Variants in C12orf54 observed in about 807,000 individuals in gnomAD.
C12orf54 encodes chromosome 12 open reading frame 54.
Under a neutral mutation model 26.4 loss-of-function variants are expected in C12orf54, and 24 were observed. That is an observed-to-expected ratio of 0.91 (90% CI 0.66 to 1.28). The LOEUF (loss-of-function observed/expected upper bound fraction) is 1.28, where lower values mean the gene tolerates loss of function less well. Ranked by LOEUF, C12orf54 falls within the 50% of genes most tolerant of loss-of-function variation. C12orf54 has a pLI of 0.00. For missense variants in C12orf54, 154 were observed against 150.9 expected (o/e 1.02, Z -0.11); for synonymous variants, 54 against 47.0 (o/e 1.15, Z -0.61).
chr12:48,455,423 T>A, the C12orf54 span, among the ~76,000 whole-genome samples: 1 of 152,226 alleles, frequency 6.6e-6, no homozygotes, highest in African/African-American at 2.4e-5. Context: ...TACATATGTC[T>A]TTATGGTCAA....
chr12:48,456,649 T>C, the C12orf54 span, among the ~76,000 whole-genome samples: 8 of 152,212 alleles, frequency 5.3e-5, no homozygotes, highest in Non-Finnish European at 1.2e-4. Context: ...TTGTTCTCCA[T>C]GTTAGGTTGG....
At chr12:48,414,455 G>A in the C12orf54 span, among the ~76,000 whole-genome samples, 1 of 152,230 alleles carries the variant, frequency 6.6e-6, no homozygotes, top group African/African-American at 2.4e-5. Flanking sequence ...TTTGGATAAA[G>A]GCTAGTGTGT....
At chr12:48,454,092 GTTTGTT>G in the C12orf54 span, among the ~76,000 whole-genome samples, 5 of 75,782 alleles carry the variant, frequency 6.6e-5, no homozygotes, top group East Asian at 4.2e-4. Flanking sequence ...CTCTTTTTTT[GTTTGTT>G]TTTTTTTTTT....
At chr12:48,420,820 G>T in the C12orf54 span, among the ~76,000 whole-genome samples, 3 of 152,088 alleles carry the variant, frequency 2.0e-5, no homozygotes, top group East Asian at 5.8e-4. Context: ...CTCTGCTATT[G>T]CTATAGTCTT....
chr12:48,457,098 G>T, the C12orf54 span, among the ~76,000 whole-genome samples: 3 of 151,876 alleles, frequency 2.0e-5, no homozygotes. Context: ...TTAATATGTG[G>T]TCTCTGTGTA....
intron 5 of C12orf54, 43 bp downstream of exon 5, chr12:48,488,999 T>A (rs762393621): frequency 1.3e-6 from 2 of 1,583,276 alleles, no homozygotes; most frequent in Non-Finnish European, 1.7e-6. Flanking sequence ...AGCCCCATCA[T>A]GTGCCTTGAT....
the C12orf54 span, among the ~76,000 whole-genome samples, chr12:48,455,117 G>A: frequency 6.6e-6 from 1 of 152,018 alleles, no homozygotes; most frequent in Non-Finnish European, 1.5e-5. Flanking sequence ...CCTCAAGTAG[G>A]CCCCAGTGTC....
At chr12:48,420,776 G>A in the C12orf54 span, among the ~76,000 whole-genome samples, 1 of 152,094 alleles carries the variant, frequency 6.6e-6, no homozygotes, top group Non-Finnish European at 1.5e-5. Flanking sequence ...AAACTCCCCT[G>A]CCTTTGGTTT....
chr12:48,436,196 CAAG>C, the C12orf54 span, among the ~76,000 whole-genome samples: 2 of 152,168 alleles, frequency 1.3e-5, no homozygotes, highest in East Asian at 1.9e-4. Flanking sequence ...ATCAATTCAA[CAAG>C]AAGAACTAAC....
At chr12:48,488,853 T>C (rs751448639) in intron 4 of C12orf54, 71 bp from the exon 5 acceptor site, 204 of 1,332,218 alleles carry the variant, frequency 1.5e-4, no homozygotes, top group Non-Finnish European at 1.5e-4. Flanking sequence ...CTTAATTTTA[T>C]ATGTGAAATC....
At chr12:48,458,040 T>A in the C12orf54 span, among the ~76,000 whole-genome samples, 1 of 152,218 alleles carries the variant, frequency 6.6e-6, no homozygotes, top group East Asian at 1.9e-4. Context: ...AAGGCAAGGG[T>A]GGCCTGTGCT....
chr12:48,477,779 G>A (rs796836651), upstream of C12orf54, among the ~76,000 whole-genome samples: 41 of 152,136 alleles, frequency 2.7e-4, no homozygotes, highest in African/African-American at 9.6e-4. Flanking sequence ...AAAAAAAGTT[G>A]AGGACCAGAT....
intron 2 of C12orf54, among the ~76,000 whole-genome samples, chr12:48,483,881 T>A (rs879210465): frequency 6.6e-6 from 1 of 152,172 alleles, no homozygotes; most frequent in South Asian, 2.1e-4. Flanking sequence ...TTGCAGCAGA[T>A]GTTTTGAGAT....
the C12orf54 span, chr12:48,417,040 C>A: frequency 1.3e-5 from 2 of 152,286 alleles, no homozygotes; most frequent in Non-Finnish European, 2.9e-5. Context: ...CCAGATGCAA[C>A]TCCTCAATCT....
At chr12:48,494,749 G>T (rs754044791) in intron 7 of C12orf54, 49 bp from the exon 8 acceptor site, 4 of 1,585,280 alleles carry the variant, frequency 2.5e-6, no homozygotes, top group Non-Finnish European at 2.6e-6. Flanking sequence ...GAACTGAAAG[G>T]GTAAGATCTC....
chr12:48,483,592 A>G (rs961216636), intron 2 of C12orf54: 11 of 482,486 alleles, frequency 2.3e-5, no homozygotes, highest in Non-Finnish European at 3.7e-5. Flanking sequence ...CAATTCCTCT[A>G]GGGGTTGGCG....
At chr12:48,480,281 T>C (rs1396600168), upstream of C12orf54, among the ~76,000 whole-genome samples, 1 of 152,232 alleles carries the variant, frequency 6.6e-6, no homozygotes, top group Non-Finnish European at 1.5e-5. Context: ...TCTGTTCATG[T>C]CCTTTGTCCA....
chr12:48,483,449 T>C (rs758834638), intron 2 of C12orf54, 88 bp downstream of exon 2: 4 of 1,228,194 alleles, frequency 3.3e-6, no homozygotes, highest in Non-Finnish European at 4.6e-6. Context: ...TCTATGGCTC[T>C]TCATTTGGCT....
intron 4 of C12orf54, among the ~76,000 whole-genome samples, chr12:48,487,668 G>A (rs999273762): frequency 2.0e-5 from 3 of 152,176 alleles, no homozygotes; most frequent in Non-Finnish European, 4.4e-5. Flanking sequence ...ATTGATCATT[G>A]AGAGGCAACG....
Sources: gnomAD v4.1 joint callset for allele counts (sites outside exome capture counted in the v4.1 genomes callset) on GRCh38, gnomAD v4.1.1 for gene constraint, MANE v1.5 for transcripts, NCBI Gene and HGNC (gene_info 2026-07-23, HGNC 2026-07-21) for gene names.